NRG1: variants seen among roughly 807,000 people sequenced by gnomAD.
NRG1 encodes the protein neuregulin 1, also known as pro-neuregulin-1, membrane-bound isoform.
NRG1 carries 18 observed loss-of-function variants against 63.8 expected under a neutral mutation model. The observed-to-expected ratio is 0.28, with a 90% CI of 0.19 to 0.42. The LOEUF is 0.42. Among genes scored for constraint, NRG1 ranks in the 10% least tolerant of loss-of-function variants. NRG1 has a pLI of 1.00. For missense variants in NRG1, 762 were observed against 814.7 expected (o/e 0.94, Z 0.79); for synonymous variants, 302 against 301.3 (o/e 1.00, Z -0.02).
At chr8:32,417,493 G>A (rs1816084382) in intron 1 of NRG1, among the ~76,000 whole-genome samples, 1 of 152,004 alleles carries the variant, frequency 6.6e-6, no homozygotes, top group African/African-American at 2.4e-5. Context: ...AGTGAGACTT[G>A]GGAGACCTGT....
Position 31,798,928 on chromosome 8 carries a change from T to C in NRG1, c.37+159497T>C, listed in dbSNP as rs546790136. 3.3e-5 allele frequency among the ~76,000 whole-genome samples: 5 copies of C among 152,178 alleles called. No homozygotes were observed. In the East Asian group the frequency reaches 9.7e-4, roughly 29 times the overall value. On this transcript the variant is annotated intron_variant, in intron 1 of 10. Coordinates refer to the NRG1 transcript ENST00000519301. ...ATTAATGGAAGAAATATTTCAATATTTTGAGTTTTTTGGGTGAATGAAAAT... is the reference window on the plus strand; with the variant it reads ...ATTAATGGAAGAAATATTTCAATATCTTGAGTTTTTTGGGTGAATGAAAAT...
intron 1 of NRG1, among the ~76,000 whole-genome samples, chr8:31,937,668 G>A (rs1386034721): frequency 1.3e-5 from 2 of 152,150 alleles, no homozygotes; most frequent in African/African-American, 2.4e-5. Flanking sequence ...AGTGCTGTTG[G>A]TAGGGGATGG....
intron 1 of NRG1, among the ~76,000 whole-genome samples, chr8:32,005,562 G>T (rs1026218421): frequency 6.6e-6 from 1 of 151,782 alleles, no homozygotes; most frequent in Non-Finnish European, 1.5e-5. Flanking sequence ...TTAAAATATT[G>T]CCATCCAGTT....
At chr8:32,329,584 T>C (rs1260318456) in intron 1 of NRG1, among the ~76,000 whole-genome samples, 1 of 152,214 alleles carries the variant, frequency 6.6e-6, no homozygotes, top group Non-Finnish European at 1.5e-5. Context: ...TTGATGGCTC[T>C]CAGTCCTGGT....
At chr8:32,387,162 G>C (rs1211866525) in intron 1 of NRG1, among the ~76,000 whole-genome samples, 1 of 152,130 alleles carries the variant, frequency 6.6e-6, no homozygotes, top group Non-Finnish European at 1.5e-5. Flanking sequence ...AATACAAGTA[G>C]AGATATGGCC....
chr8:32,597,564 A>T (rs11986838), intron 2 of NRG1, among the ~76,000 whole-genome samples: 4,107 of 151,908 alleles, frequency 0.027, 184 homozygotes, highest in African/African-American at 0.092. Flanking sequence ...AATATTACTA[A>T]TTTTTTTTAC....
intron 1 of NRG1, among the ~76,000 whole-genome samples, chr8:31,682,980 T>A (rs907498816): frequency 6.6e-6 from 1 of 152,122 alleles, no homozygotes; most frequent in Non-Finnish European, 1.5e-5. Context: ...TATCGGAGAA[T>A]AATTCAGGGG....
intron 1 of NRG1, among the ~76,000 whole-genome samples, chr8:32,385,132 G>A (rs1275646080): frequency 6.6e-6 from 1 of 152,054 alleles, no homozygotes; most frequent in Non-Finnish European, 1.5e-5. Context: ...CCATTCTCCT[G>A]CCTCAGCCTC....
chr8:31,877,314 C>T (rs1048740459), intron 1 of NRG1, among the ~76,000 whole-genome samples: 9 of 151,998 alleles, frequency 5.9e-5, no homozygotes, highest in East Asian at 1.9e-4. Flanking sequence ...GTTTTTATGC[C>T]GTATTTATGA....
intron 1 of NRG1, among the ~76,000 whole-genome samples, chr8:32,096,112 G>T (rs1159956407): frequency 6.6e-6 from 1 of 152,152 alleles, no homozygotes; most frequent in Non-Finnish European, 1.5e-5. Context: ...TATGATGCAA[G>T]GGCTAGGAGG....
intron 1 of NRG1, among the ~76,000 whole-genome samples, chr8:32,294,923 CA>C (rs1459279067): frequency 6.6e-6 from 1 of 152,104 alleles, no homozygotes. Flanking sequence ...AAACATATCT[CA>C]AACACTAAAA....
intron 1 of NRG1, among the ~76,000 whole-genome samples, chr8:32,037,844 G>A (rs1399306821): frequency 6.6e-6 from 1 of 152,166 alleles, no homozygotes; most frequent in Non-Finnish European, 1.5e-5. Context: ...CACCGAACTC[G>A]GTCTTCTTAG....
In NRG1 at chr8:32,250,593, C is replaced by T. The variant is rs111516960; in HGVS notation, c.38-345235C>T. On this transcript the variant is annotated intron_variant, in intron 1 of 10. Coordinates refer to the NRG1 transcript ENST00000519301. ...ATAGTGACTCATTAAAATGGATTTC[C>T]ACGAATGCAATGCAACACACAGTTT... Among the ~76,000 whole-genome samples, 1,394 of 152,070 alleles carry T rather than the reference C, an allele frequency of 9.2e-3. 33 individuals carry two copies. Among genetic ancestry groups the T allele is most frequent in the African/African-American group, 0.031 (1,300 of 41,482 alleles).
intron 1 of NRG1, among the ~76,000 whole-genome samples, chr8:32,425,583 C>T (rs1377239379): frequency 1.3e-5 from 2 of 152,148 alleles, no homozygotes; most frequent in African/African-American, 4.8e-5. Context: ...TTTCATGCTA[C>T]CATGGTTGTT....
chr8:32,088,286 C>T (rs532016770), intron 1 of NRG1, among the ~76,000 whole-genome samples: 33 of 152,044 alleles, frequency 2.2e-4, no homozygotes, highest in South Asian at 6.2e-4. Flanking sequence ...AATAATTTAA[C>T]GAAAATTCAA....
At chr8:31,769,605 G>A (rs1163929597) in intron 1 of NRG1, among the ~76,000 whole-genome samples, 1 of 152,214 alleles carries the variant, frequency 6.6e-6, no homozygotes, top group African/African-American at 2.4e-5. Flanking sequence ...GGGATAAGGG[G>A]AGGAATCTGT....
chr8:32,144,389 G>GTGTT (rs1836640898), intron 1 of NRG1, among the ~76,000 whole-genome samples: 1 of 151,366 alleles, frequency 6.6e-6, no homozygotes, highest in African/African-American at 2.4e-5. Flanking sequence ...TTATGGAGGT[G>GTGTT]TGTGTGTGTG....
intron 1 of NRG1, among the ~76,000 whole-genome samples, chr8:32,286,035 C>G (rs1420833871): frequency 2.0e-5 from 3 of 152,138 alleles, no homozygotes; most frequent in South Asian, 2.1e-4. Flanking sequence ...CTTTCCACTG[C>G]TTGCTTCTTG....
intron 1 of NRG1, among the ~76,000 whole-genome samples, chr8:32,530,222 C>G (rs1304589658): frequency 6.6e-6 from 1 of 152,118 alleles, no homozygotes; most frequent in East Asian, 1.9e-4. Flanking sequence ...ATTCTCCTGC[C>G]TCAGCCTCCC....
Sources: allele counts gnomAD v4.1 joint callset (sites outside exome capture counted in the v4.1 genomes callset), GRCh38; gene constraint gnomAD v4.1.1; transcripts MANE v1.5; gene names NCBI Gene and HGNC (gene_info 2026-07-23, HGNC 2026-07-21).